The following SEC61A2 variants were observed in gnomAD, a reference collection of about 807,000 sequenced individuals.
The protein encoded by SEC61A2 is SEC61 translocon subunit alpha 2.
A neutral mutation model predicts 59.9 loss-of-function variants in SEC61A2; 28 were observed. The observed-to-expected ratio is 0.47, with a 90% CI of 0.35 to 0.64. The LOEUF (loss-of-function observed/expected upper bound fraction) is 0.64. Among genes scored for constraint, SEC61A2 ranks in the 30% least tolerant of loss-of-function variants. The pLI, the probability that SEC61A2 is intolerant of heterozygous loss-of-function variation, is 0.01. For synonymous variants in SEC61A2, 202 were observed against 214.4 expected, an observed-to-expected ratio of 0.94 and a Z score of 0.50; for missense variants, 340 against 585.9, an observed-to-expected ratio of 0.58 and a Z score of 4.33.
rs555069496 is a variant in SEC61A2 at position 12,153,423 on chromosome 10, T to G, written c.463-2355T>G. On this transcript the variant is annotated intron_variant, in intron 6 of 11. Coordinates refer to ENST00000298428, the MANE Select transcript of SEC61A2 (RefSeq NM_018144.4). This position sits in a 1 kb window ranked among gnomAD's most constrained non-coding sequence, Gnocchi z 5.2. ...TCTAGTATCTTACTTAAGGATCTAT[T>G]CAGATTCCTAAGGAATCTCCACTGA... Among the ~76,000 whole-genome samples the G allele has an allele frequency of 5.9e-5, 9 of 152,228 alleles. No homozygotes were observed. The highest frequency in any genetic ancestry group is 1.0e-4 in the Non-Finnish European group (7 of 68,036).
chr10:12,147,476 G>A (rs898448963), intron 4 of SEC61A2, among the ~76,000 whole-genome samples: 2 of 152,134 alleles, frequency 1.3e-5, no homozygotes. Flanking sequence ...CTTGAGGTCA[G>A]GAATTTGAGA....
At position 12,145,756 on chromosome 10, in the gene SEC61A2, C is replaced by T. The variant is rs530489520; in HGVS notation, c.220+2561C>T. On this transcript the variant is annotated intron_variant, in intron 4 of 11. Transcript: ENST00000298428. This position sits in a 1 kb window ranked among gnomAD's most constrained non-coding sequence, Gnocchi z 4.4. ...GCCTTGTTAGGATGTTGGAACATTACCCATCTGACATGAAAAGAAAAAAGA... is the reference window on the plus strand; with the variant it reads ...GCCTTGTTAGGATGTTGGAACATTATCCATCTGACATGAAAAGAAAAAAGA... 1.6e-3 allele frequency among the ~76,000 whole-genome samples: 242 copies of T among 152,096 alleles called. 1 individual carries two copies. The highest frequency in any genetic ancestry group is 5.5e-3 in the African/African-American group (228 of 41,482).
At chr10:12,138,701 T>A (rs1232797417) in intron 3 of SEC61A2, among the ~76,000 whole-genome samples, 1 of 152,252 alleles carries the variant, frequency 6.6e-6, no homozygotes, top group Admixed American at 6.5e-5. Context: ...CAGTAACTCA[T>A]TCCTTTTTAT....
chr10:12,131,068 G>A (rs1833723156), intron 1 of SEC61A2, among the ~76,000 whole-genome samples: 1 of 152,202 alleles, frequency 6.6e-6, no homozygotes, highest in Non-Finnish European at 1.5e-5. Flanking sequence ...AGCTCCCCAG[G>A]AGGCTGAGGC....
intron 2 of SEC61A2, 37 bp from the exon 3 acceptor site, chr10:12,136,068 G>A (rs1833876317): frequency 6.8e-7 from 1 of 1,467,748 alleles, no homozygotes; most frequent in African/African-American, 1.4e-5. Context: ...GCTGTTTCTT[G>A]GTTTTGATTG....
intron 3 of SEC61A2, among the ~76,000 whole-genome samples, chr10:12,138,892 A>G (rs1833946281): frequency 6.6e-6 from 1 of 152,226 alleles, no homozygotes; most frequent in Non-Finnish European, 1.5e-5. Flanking sequence ...GTTGGGTTTT[A>G]TAGTAAATGT....
At chr10:12,137,799 G>A (rs1833921828) in intron 3 of SEC61A2, among the ~76,000 whole-genome samples, 1 of 152,048 alleles carries the variant, frequency 6.6e-6, no homozygotes, top group South Asian at 2.1e-4. Flanking sequence ...TTGACGTCAG[G>A]AGTTGAGACC....
At chr10:12,133,169 T>G (rs2131642397) in intron 1 of SEC61A2, 72 bp from the exon 2 acceptor site, 1 of 769,626 alleles carries the variant, frequency 1.3e-6, no homozygotes, top group Non-Finnish European at 2.1e-6. Flanking sequence ...TCTTTGTATT[T>G]GATTTTCTAG....
At position 12,139,925 on chromosome 10, in the gene SEC61A2, C is replaced by A. The variant is rs182437419; in HGVS notation, c.142-3192C>A. 6.1e-3 allele frequency among the ~76,000 whole-genome samples: 899 copies of A among 147,074 alleles called. 16 individuals are homozygous for A. Among genetic ancestry groups the A allele is most frequent in the African/African-American group, 0.021 (848 of 39,514 alleles). On this transcript the variant is annotated intron_variant, in intron 3 of 11. Coordinates refer to ENST00000298428, the MANE Select transcript of SEC61A2 (RefSeq NM_018144.4). The stretch of plus-strand genomic sequence containing the variant: ...CGGAGCTTGCAGTGAGCCGAGATCC[C>A]GCCACTGCACTCCAGCCTGGGCGAC...
rs528668768 is a variant in SEC61A2 at position 12,162,485 on chromosome 10, T to C, written c.1244+196T>C. The stretch of plus-strand genomic sequence containing the variant: ...TTTTCATTGAAATTGTGAGCACTGC[T>C]CTGCTCATCCCAGTGATAAAATCTT... On this transcript the variant is annotated intron_variant, in intron 11 of 11. Coordinates refer to ENST00000298428, the MANE Select transcript of SEC61A2 (RefSeq NM_018144.4). The surrounding 1 kb of genome is among the most constrained non-coding windows in gnomAD (Gnocchi z 6.1). The C allele has an allele frequency of 1.2e-4, 90 of 741,994 alleles. No individual in the cohort carries two copies. Among genetic ancestry groups the C allele is most frequent in the Middle Eastern group, 4.7e-4 (2 of 4,280 alleles). The allele number at this position is 741,994 out of a possible 1,614,324, so 46.0% of individuals were successfully genotyped here. A position where few individuals can be genotyped will look rare whatever the true frequency, so the allele number is the denominator to read the frequency against.
At position 12,164,671 on chromosome 10, in the gene SEC61A2, A is replaced by G. The variant is rs1834622809; in HGVS notation, c.*217A>G. ...GTTTACATTATTCATTAAAAAAAGT[A>G]CATCTAGTGTTGCCTGTAATGCTGG... On this transcript the variant is annotated 3_prime_UTR_variant, in exon 12 of 12. Coordinates refer to ENST00000298428, the MANE Select transcript of SEC61A2 (RefSeq NM_018144.4). This position sits in a 1 kb window ranked among gnomAD's most constrained non-coding sequence, Gnocchi z 7.3. 1 of 1,348,836 alleles carries G rather than the reference A, an allele frequency of 7.4e-7. No homozygotes were observed. Among genetic ancestry groups the G allele is most frequent in the African/African-American group, 1.5e-5 (1 of 65,864 alleles). The allele number at this position is 1,348,836 out of a possible 1,614,324, so 83.6% of individuals were successfully genotyped here.
chr10:12,147,548 GGT>G (rs1564411332), intron 4 of SEC61A2, among the ~76,000 whole-genome samples: 1 of 152,086 alleles, frequency 6.6e-6, no homozygotes, highest in Non-Finnish European at 1.5e-5. Flanking sequence ...AGCTGGGCAT[GGT>G]GGCTTACGCC....
At chr10:12,157,102 G>A in intron 8 of SEC61A2, 35 bp downstream of exon 8, 1 of 1,589,970 alleles carries the variant, frequency 6.3e-7, no homozygotes. Context: ...TAAGTGGGAT[G>A]TAGATTTTTA....
intron 1 of SEC61A2, among the ~76,000 whole-genome samples, chr10:12,131,719 C>T (rs1833743052): frequency 1.1e-5 from 1 of 95,178 alleles, no homozygotes; most frequent in Admixed American, 1.6e-4. Context: ...TTGAGACGGT[C>T]TCTCTCTGCT....
Position 12,161,785 on chromosome 10 carries a change from AAAAT to A in SEC61A2, c.1168-424_1168-421del, listed in dbSNP as rs1834534297. ...ATAAATAAAAAATTTTTAAAAAAGT[AAAAT>A]AAAACTTTGTTTTTGGAAAATTCAT... is the stretch of plus-strand genomic sequence containing the variant. On this transcript the variant is annotated intron_variant, in intron 10 of 11. Coordinates refer to ENST00000298428, the MANE Select transcript of SEC61A2 (RefSeq NM_018144.4). The surrounding 1 kb of genome is among the most constrained non-coding windows in gnomAD (Gnocchi z 5.4). 6.6e-6 allele frequency among the ~76,000 whole-genome samples: 1 copy of A among 152,310 alleles called. No homozygotes were observed. Among genetic ancestry groups the A allele is most frequent in the African/African-American group, 2.4e-5 (1 of 41,580 alleles).
At position 12,154,885 on chromosome 10, in the gene SEC61A2, C is replaced by T. The variant is rs77266363; in HGVS notation, c.463-893C>T. ...ATGGAAGTGACTTCCTCACTTCTGC[C>T]GGAGGGTGTCTTTAAAGTGGGGACA... On this transcript the variant is annotated intron_variant, in intron 6 of 11. Transcript: ENST00000298428. This position sits in a 1 kb window ranked among gnomAD's most constrained non-coding sequence, Gnocchi z 5.2. 7.2e-3 allele frequency among the ~76,000 whole-genome samples: 1,091 copies of T among 152,154 alleles called. 12 individuals carry two copies. The highest frequency in any genetic ancestry group is 0.025 in the African/African-American group (1,052 of 41,496).
At chr10:12,166,827 A>G, downstream of SEC61A2, 3 of 459,396 alleles carry the variant, frequency 6.5e-6, no homozygotes, top group East Asian at 7.0e-5. Flanking sequence ...GCTAGATGAC[A>G]GGGTTTCAGG....
chr10:12,169,574 G>GT (rs1229203315), downstream of SEC61A2: 7 of 411,512 alleles, frequency 1.7e-5, no homozygotes, highest in Non-Finnish European at 2.2e-5. This position sits in a 1 kb window ranked among gnomAD's most constrained non-coding sequence, Gnocchi z 4.8. Flanking sequence ...ATAAACTATT[G>GT]TATCTATTCA....
Position 12,156,825 on chromosome 10 carries a change from T to C in SEC61A2, c.617-82T>C. 4 of 1,418,826 alleles carry C rather than the reference T, an allele frequency of 2.8e-6. No homozygotes were observed. The highest frequency in any genetic ancestry group is 3.9e-6 in the Non-Finnish European group (4 of 1,024,994). The allele number at this position is 1,418,826 out of a possible 1,614,324, so 87.9% of individuals were successfully genotyped here. ...TTGACCCATATTTTCTGCTGTATAC[T>C]GGACTTTCACGGTTAGTTGTTTGAG... is the stretch of plus-strand genomic sequence containing the variant. On this transcript the variant is annotated intron_variant, in intron 7 of 11. Transcript: ENST00000298428. The surrounding 1 kb of genome is among the most constrained non-coding windows in gnomAD (Gnocchi z 5.2).
Sources: gnomAD v4.1 joint callset for allele counts (sites outside exome capture counted in the v4.1 genomes callset) on GRCh38, gnomAD v4.1.1 for gene constraint, Gnocchi (gnomAD v3.1) non-coding constraint, MANE v1.5 for transcripts, NCBI Gene and HGNC (gene_info 2026-07-23, HGNC 2026-07-21) for gene names.